Variants in WDPCP observed in about 807,000 individuals in gnomAD.
WDPCP encodes the protein WD repeat-containing and planar cell polarity effector protein fritz homolog.
In WDPCP, 71 loss-of-function variants were observed where a neutral mutation model predicts 93.1. The observed-to-expected ratio is 0.76, with a 90% confidence interval of 0.63 to 0.93. The LOEUF is 0.93. Ranked by LOEUF, WDPCP falls within the 40% of genes least tolerant of loss-of-function variation. WDPCP has a pLI of 0.00. For synonymous variants in WDPCP, 315 were observed against 315.0 expected, an observed-to-expected ratio of 1.00 and a Z score of 0.00; for missense variants, 844 against 887.4, an observed-to-expected ratio of 0.95 and a Z score of 0.62.
chr2:63,600,558 A>G (rs1212549270), intron 3 of WDPCP, among the ~76,000 whole-genome samples: 1 of 152,260 alleles, frequency 6.6e-6, no homozygotes, highest in Non-Finnish European at 1.5e-5. Flanking sequence ...AGGATTAAAT[A>G]AGATCTGTTT....
At chr2:63,137,387 G>A (rs1351060827) in intron 17 of WDPCP, among the ~76,000 whole-genome samples, 1 of 152,058 alleles carries the variant, frequency 6.6e-6, no homozygotes, top group South Asian at 2.1e-4. Flanking sequence ...ATCTGCTTGT[G>A]TCTGCTGCCC....
chr2:63,342,157 T>C (rs1446548885), intron 12 of WDPCP, among the ~76,000 whole-genome samples: 1 of 152,192 alleles, frequency 6.6e-6, no homozygotes, highest in Non-Finnish European at 1.5e-5. Context: ...TATGAGAATC[T>C]AATGCTGCCA....
chr2:63,790,175 C>A (rs1188251543), intron 2 of WDPCP, among the ~76,000 whole-genome samples: 1 of 152,088 alleles, frequency 6.6e-6, no homozygotes, highest in East Asian at 1.9e-4. Flanking sequence ...CCCATCAGAC[C>A]AGGTGGGATC....
At chr2:63,164,423 T>A (rs1672824925) in intron 15 of WDPCP, among the ~76,000 whole-genome samples, 1 of 152,140 alleles carries the variant, frequency 6.6e-6, no homozygotes, top group African/African-American at 2.4e-5. Flanking sequence ...GTTCTTGTGA[T>A]AGCAAGTAAG....
At chr2:63,282,981 G>A (rs951591446) in intron 13 of WDPCP, among the ~76,000 whole-genome samples, 5 of 152,056 alleles carry the variant, frequency 3.3e-5, no homozygotes, top group African/African-American at 1.2e-4. Context: ...CGTTTGGCTT[G>A]GGAAAAATTG....
chr2:63,603,702 T>G (rs1056415036), intron 3 of WDPCP, among the ~76,000 whole-genome samples: 5 of 145,632 alleles, frequency 3.4e-5, no homozygotes, highest in African/African-American at 7.6e-5. Context: ...GCATCGCCCA[T>G]GCTGGAGTGC....
rs1269538084 is a variant in WDPCP, at chr2:63,289,762, C to T, written c.1812+23486G>A. ...TTTATCTATTTCTTTTTTGGTTTGT[C>T]GGCTTTTGCTTCATGCATTTGAAGC... On this transcript the variant is annotated intron_variant, in intron 13 of 17. Transcript: ENST00000272321. 9.9e-5 allele frequency among the ~76,000 whole-genome samples: 15 copies of T among 151,690 alleles called. No individual in the cohort carries two copies. The East Asian group carries it at 2.1e-3, about 21-fold the overall frequency.
At chr2:63,575,498 A>AGT (rs1558833306) in intron 1 of WDPCP, among the ~76,000 whole-genome samples, 6 of 88,406 alleles carry the variant, frequency 6.8e-5, no homozygotes, top group Admixed American at 1.0e-4. Flanking sequence ...TAGTATATAC[A>AGT]GTATATACAC....
intron 7 of WDPCP, among the ~76,000 whole-genome samples, 192 bp downstream of exon 7, chr2:63,439,565 A>C (rs1450425208): frequency 6.6e-6 from 1 of 152,128 alleles, no homozygotes; most frequent in East Asian, 1.9e-4. Context: ...AACAGTTGAC[A>C]AGAAAAAAAC....
chr2:63,190,010 A>G (rs1463875784), intron 14 of WDPCP, among the ~76,000 whole-genome samples: 3 of 152,188 alleles, frequency 2.0e-5, no homozygotes, highest in African/African-American at 7.2e-5. Context: ...TTTTGTGCAG[A>G]TATCTTTACT....
In WDPCP at chr2:63,486,604, G is replaced by C; in HGVS notation, c.209-18C>G. The C allele has an allele frequency of 1.3e-6, 2 of 1,561,768 alleles. No homozygotes were observed. The highest frequency in any genetic ancestry group is 1.7e-6 in the Non-Finnish European group (2 of 1,150,462). On this transcript the variant is annotated intron_variant, in intron 3 of 17. Transcript: ENST00000272321. ...CTCTGTCGCTGATATTGTGGCAGAAGGGATAGAAAGAAAAAAACAAAAGTA... is the reference window on the plus strand; with the variant it reads ...CTCTGTCGCTGATATTGTGGCAGAACGGATAGAAAGAAAAAAACAAAAGTA...
chr2:63,641,993 T>A (rs543535107), intron 3 of WDPCP, among the ~76,000 whole-genome samples: 21 of 152,282 alleles, frequency 1.4e-4, no homozygotes, highest in African/African-American at 5.1e-4. Flanking sequence ...GAGGTCTAGT[T>A]TCTTTCTTCT....
chr2:63,619,912 G>C (rs115432781), intron 3 of WDPCP, among the ~76,000 whole-genome samples: 2 of 152,114 alleles, frequency 1.3e-5, no homozygotes, highest in African/African-American at 4.8e-5. Flanking sequence ...CCTGGGAAGC[G>C]CAAGGGGTCG....
At chr2:63,559,823 AG>A (rs1331111360) in intron 1 of WDPCP, among the ~76,000 whole-genome samples, 3 of 152,238 alleles carry the variant, frequency 2.0e-5, no homozygotes, top group Non-Finnish European at 4.4e-5. Flanking sequence ...GCTCATGGAT[AG>A]GAAGAATCAA....
At chr2:63,586,252 G>T (rs1010106052) in intron 1 of WDPCP, among the ~76,000 whole-genome samples, 1 of 152,148 alleles carries the variant, frequency 6.6e-6, no homozygotes, top group African/African-American at 2.4e-5. Context: ...TAATATCTTT[G>T]CTGGATGTTG....
chr2:63,602,934 CTTTTTTTTTTTTTTTTTTT>C lies in WDPCP; in HGVS notation n.488+47706_488+47724del, dbSNP rs370479356. Among the ~76,000 whole-genome samples the C allele has an allele frequency of 2.7e-3, 348 of 131,298 alleles. 1 individual carries two copies. Among genetic ancestry groups the C allele is most frequent in the Non-Finnish European group, 4.4e-3 (259 of 59,356 alleles). The allele number at this position is 131,298 out of a possible 152,430, so 86.1% of individuals were successfully genotyped here. A position where few individuals can be genotyped will look rare whatever the true frequency, so the allele number is the denominator to read the frequency against. ...ACATAATACAGTTTATTTAACCGTT[CTTTTTTTTTTTTTTTTTTT>C]TTTTTTTTTTTTTTTTTTTTTTTTG... On this transcript the variant is annotated intron_variant and non_coding_transcript_variant, in intron 3 of 4. Coordinates refer to the WDPCP transcript ENST00000467687.
chr2:63,541,255 G>A (rs148828132), intron 1 of WDPCP, among the ~76,000 whole-genome samples: 1 of 152,132 alleles, frequency 6.6e-6, no homozygotes, highest in East Asian at 1.9e-4. Flanking sequence ...TTACAGACAT[G>A]AGACACCATG....
chr2:63,526,469 T>C (rs939532362), intron 1 of WDPCP, among the ~76,000 whole-genome samples: 4 of 152,190 alleles, frequency 2.6e-5, no homozygotes, highest in Admixed American at 6.5e-5. Flanking sequence ...AGAGGAAAGA[T>C]ACAGGGGAGT....
chr2:63,393,022 G>A (rs1693411491), intron 10 of WDPCP, among the ~76,000 whole-genome samples: 2 of 152,292 alleles, frequency 1.3e-5, no homozygotes, highest in South Asian at 2.1e-4. Flanking sequence ...ATTTGACCAA[G>A]CAATCCCATT....
Sources: gnomAD v4.1 joint callset for allele counts (sites outside exome capture counted in the v4.1 genomes callset) on GRCh38, gnomAD v4.1.1 for gene constraint, MANE v1.5 for transcripts, NCBI Gene and HGNC (gene_info 2026-07-23, HGNC 2026-07-21) for gene names.